Variants in TP53BP1 observed in about 807,000 individuals in gnomAD.
TP53BP1 encodes the protein tumor protein p53 binding protein 1, also known as TP53-binding protein 1.
Under a neutral mutation model 200.8 loss-of-function variants are expected in TP53BP1, and 61 were observed. The ratio of observed to expected loss-of-function variants is 0.30; its 90% CI spans 0.25 to 0.38. The LOEUF (loss-of-function observed/expected upper bound fraction) is 0.38, where lower values mean the gene tolerates loss of function less well. TP53BP1 is among the 10% of genes least tolerant of loss of function. The probability of loss-of-function intolerance (pLI) is 1.00; values close to 1 mark genes in which losing one functional copy is unlikely to be tolerated. For missense variants in TP53BP1, 2,144 were observed against 2,371.9 expected, an observed-to-expected ratio of 0.90 and a Z score of 2.00; for synonymous variants, 822 against 844.3, an observed-to-expected ratio of 0.97 and a Z score of 0.46.
At chr15:43,502,441 G>C (rs2079213966) in intron 1 of TP53BP1, among the ~76,000 whole-genome samples, 1 of 152,030 alleles carries the variant, frequency 6.6e-6, no homozygotes, top group South Asian at 2.1e-4. Context: ...TCAGTGTGAA[G>C]TGATATCTCA....
chr15:43,440,306 T>C (rs2045895107), intron 15 of TP53BP1, among the ~76,000 whole-genome samples: 1 of 151,816 alleles, frequency 6.6e-6, no homozygotes, highest in South Asian at 2.1e-4. Context: ...GGTCAGGAGA[T>C]CGAGACCATC....
At chr15:43,416,807 A>G (rs1358457397) in intron 21 of TP53BP1, 1 of 160,960 alleles carries the variant, frequency 6.2e-6, no homozygotes, top group East Asian at 1.8e-4. Flanking sequence ...GTAAGTCTTG[A>G]GTTAAGCTGT....
intron 1 of TP53BP1, among the ~76,000 whole-genome samples, chr15:43,502,373 C>T (rs1041719691): frequency 2.0e-5 from 3 of 152,178 alleles, no homozygotes; most frequent in Non-Finnish European, 4.4e-5. Context: ...TAATTTTATA[C>T]TTCCACTAAC....
intron 11 of TP53BP1, among the ~76,000 whole-genome samples, chr15:43,457,672 A>C (rs1309907277): frequency 3.6e-5 from 2 of 55,960 alleles, no homozygotes; most frequent in African/African-American, 2.7e-4. Flanking sequence ...ACTCCATCTC[A>C]AAAAAAAAAA....
Position 43,456,301 on chromosome 15 carries a change from T to C in TP53BP1, c.2307A>G (p.Pro769=), listed in dbSNP as rs61757244. Residue 769 remains proline (P), a synonymous_variant, in exon 12 of 28, where the codon CCA becomes CCG. Transcript: ENST00000382044. ...CACAAGAAACATCAACTCTGGGAGATGGCTCTTTCACATCTACAATGACAA... is the reference window on the plus strand; with the variant it reads ...CACAAGAAACATCAACTCTGGGAGACGGCTCTTTCACATCTACAATGACAA... ...SSVVIVDVKE[P]SPRVDVSCEP... 1.2e-5 allele frequency: 19 copies of C among 1,614,042 alleles called. No individual in the cohort carries two copies. Among genetic ancestry groups the C allele is most frequent in the African/African-American group, 2.7e-5 (2 of 74,950 alleles).
chr15:43,477,403 G>C (rs1240903374), intron 8 of TP53BP1, among the ~76,000 whole-genome samples, 190 bp downstream of exon 8: 2 of 151,982 alleles, frequency 1.3e-5, no homozygotes, highest in Non-Finnish European at 2.9e-5. Flanking sequence ...AGAAAATTAT[G>C]TCAAAATATT....
intron 4 of TP53BP1, among the ~76,000 whole-genome samples, chr15:43,483,075 T>C (rs1284858450): frequency 6.6e-6 from 1 of 152,158 alleles, no homozygotes; most frequent in East Asian, 1.9e-4. Context: ...TTAAATATTA[T>C]GGAATTATTA....
At chr15:43,452,789 C>A (rs568330643) in intron 12 of TP53BP1, among the ~76,000 whole-genome samples, 1 of 151,932 alleles carries the variant, frequency 6.6e-6, no homozygotes, top group Non-Finnish European at 1.5e-5. Context: ...AGTTTTACTA[C>A]GGCAAAAAAA....
At chr15:43,436,048 G>C (rs940042707) in intron 16 of TP53BP1, among the ~76,000 whole-genome samples, 13 of 151,832 alleles carry the variant, frequency 8.6e-5, no homozygotes, top group African/African-American at 2.7e-4. Flanking sequence ...CTGGAGTACA[G>C]TGGCACAATC....
chr15:43,447,968 TC>T (rs1388510649), intron 12 of TP53BP1, among the ~76,000 whole-genome samples: 1 of 152,194 alleles, frequency 6.6e-6, no homozygotes, highest in Admixed American at 6.5e-5. Flanking sequence ...TAATGTACAA[TC>T]TAATCAAAGA....
intron 19 of TP53BP1, 51 bp from the exon 20 acceptor site, chr15:43,421,225 C>T: frequency 6.3e-7 from 1 of 1,593,962 alleles, no homozygotes; most frequent in South Asian, 1.1e-5. Context: ...TGAATCTTTT[C>T]TTCACAAAGT....
chr15:43,442,643 G>A (rs2045953172), intron 14 of TP53BP1, among the ~76,000 whole-genome samples: 1 of 150,184 alleles, frequency 6.7e-6, no homozygotes, highest in Non-Finnish European at 1.5e-5. Context: ...GATTACAGGT[G>A]TGCACCACCA....
intron 8 of TP53BP1, among the ~76,000 whole-genome samples, 160 bp from the exon 9 acceptor site, chr15:43,475,854 C>G (rs951258049): frequency 2.6e-5 from 4 of 152,198 alleles, no homozygotes; most frequent in African/African-American, 9.6e-5. Flanking sequence ...GAATGGACTA[C>G]TACAATAGCA....
intron 21 of TP53BP1, among the ~76,000 whole-genome samples, chr15:43,418,180 TAAAAAAAAAAAAA>T: frequency 1.0e-5 from 1 of 100,336 alleles, no homozygotes; most frequent in East Asian, 2.8e-4. Flanking sequence ...GCTCTGTTTT[TAAAAAAAAAAAAA>T]AAAAAAAAAA....
At chr15:43,444,863 G>C (rs1007694541) in intron 14 of TP53BP1, among the ~76,000 whole-genome samples, 1 of 151,944 alleles carries the variant, frequency 6.6e-6, no homozygotes, top group South Asian at 2.1e-4. Flanking sequence ...CAATTCCCTC[G>C]TCTTTAATCT....
upstream of TP53BP1, among the ~76,000 whole-genome samples, chr15:43,494,854 A>G (rs1030325936): frequency 6.6e-6 from 1 of 152,200 alleles, no homozygotes; most frequent in Non-Finnish European, 1.5e-5. Context: ...GTGAGGCACA[A>G]ATAAACAGAT....
At chr15:43,416,178 G>A in intron 22 of TP53BP1, 47 bp downstream of exon 22, 1 of 1,530,094 alleles carries the variant, frequency 6.5e-7, no homozygotes, top group South Asian at 1.2e-5. Flanking sequence ...CCCACTGTAA[G>A]CAGAACAGGA....
intron 11 of TP53BP1, among the ~76,000 whole-genome samples, chr15:43,467,956 G>T (rs2046629560): frequency 6.6e-6 from 1 of 151,954 alleles, no homozygotes; most frequent in African/African-American, 2.4e-5. Context: ...GCTAATTTTT[G>T]TATTTTTTGG....
intron 16 of TP53BP1, among the ~76,000 whole-genome samples, chr15:43,436,040 G>A (rs1319620916): frequency 6.6e-6 from 1 of 151,764 alleles, no homozygotes; most frequent in Non-Finnish European, 1.5e-5. Flanking sequence ...CGCCCAGGCT[G>A]GAGTACAGTG....
Sources: gnomAD v4.1 joint callset for allele counts (sites outside exome capture counted in the v4.1 genomes callset) on GRCh38, gnomAD v4.1.1 for gene constraint, MANE v1.5 for transcripts, NCBI Gene and HGNC (gene_info 2026-07-23, HGNC 2026-07-21) for gene names.